DNHD1: variants seen among roughly 807,000 people sequenced by gnomAD.
DNHD1 encodes dynein heavy chain domain-containing protein 1.
A neutral mutation model predicts 458.1 loss-of-function variants in DNHD1; 383 were observed. That is an observed-to-expected ratio of 0.84 (90% CI 0.77 to 0.91). The LOEUF is 0.91. Among genes scored for constraint, DNHD1 ranks in the 40% least tolerant of loss-of-function variants. DNHD1 has a pLI of 0.00. For missense variants in DNHD1, 5,336 were observed against 5,866.1 expected (o/e 0.91, Z 2.95); for synonymous variants, 2,203 against 2,376.9 (o/e 0.93, Z 2.13).
chr11:6,568,647 A>G lies in DNHD1; in HGVS notation c.12662-18A>G, dbSNP rs1853764357. 6.2e-7 allele frequency: 1 copy of G among 1,612,762 alleles called. No individual in the cohort carries two copies. Among genetic ancestry groups the G allele is most frequent in the Non-Finnish European group, 8.5e-7 (1 of 1,179,634 alleles). On this transcript the variant is annotated intron_variant, in intron 38 of 42. Coordinates refer to ENST00000254579, the MANE Select transcript of DNHD1 (RefSeq NM_144666.3). Reference sequence around the variant, plus strand: ...GGCAACTGTGCTGTGCTGACTCAGCACTCTCCTTCCTCCCCAGCTGTGCTG... The same window carrying G: ...GGCAACTGTGCTGTGCTGACTCAGCGCTCTCCTTCCTCCCCAGCTGTGCTG...
Position 6,558,904 on chromosome 11 carries a change from T to C in DNHD1, c.9214T>C (p.Ser3072Pro). 6.4e-7 allele frequency: 1 copy of C among 1,551,606 alleles called. No individual in the cohort carries two copies. Among genetic ancestry groups the C allele is most frequent in the South Asian group, 1.2e-5 (1 of 84,054 alleles). ...GGCTAAAGCCATGCCCATTGCAGGC[T>C]CCTGGAAGTACCCAGACCTCCAGGC... ...GAQSVPLDDG[S>P]WKYPDLQASI... Residue 3072 changes from serine to proline, a missense_variant and splice_region_variant, in exon 27 of 43, where the codon TCC becomes CCC. Around this residue, in one of 4 missense-constraint regions of DNHD1, gnomAD observed 3,932 missense variants for 4,365.6 expected, o/e 0.90. Transcript: ENST00000254579.
At chr11:6,542,402 TG>T (rs1402972237) in intron 18 of DNHD1, among the ~76,000 whole-genome samples, 2 of 152,250 alleles carry the variant, frequency 1.3e-5, no homozygotes, top group African/African-American at 4.8e-5. Flanking sequence ...GGGATGCCTG[TG>T]GGCATAATTT....
Position 6,544,131 on chromosome 11 carries a change from C to T in DNHD1, c.3639C>T (p.Asn1213=), listed in dbSNP as rs1375810473. The T allele has an allele frequency of 6.4e-7, 1 of 1,551,634 alleles. No homozygotes were observed. Among genetic ancestry groups the T allele is most frequent in the South Asian group, 1.2e-5 (1 of 84,060 alleles). The change falls in exon 19 of 43, where the codon AAC becomes AAT. Residue 1213 remains asparagine, a synonymous_variant. Transcript: ENST00000254579. The part of the protein sequence containing the change: ...SGTFILSDYS[N]LQDSIQESLQ... ...CTTTTTCTGTCTTAGATTACAGCAACCTGCAGGATTCCATCCAGGAAAGTC... is the reference window on the plus strand; with the variant it reads ...CTTTTTCTGTCTTAGATTACAGCAATCTGCAGGATTCCATCCAGGAAAGTC...
intron 33 of DNHD1, 116 bp from the exon 34 acceptor site, chr11:6,566,125 G>A (rs1383419686): frequency 9.4e-6 from 14 of 1,489,432 alleles, no homozygotes; most frequent in Admixed American, 8.5e-5. Flanking sequence ...GAAGCGTCTT[G>A]TGGGAACCCT....
Position 6,545,307 on chromosome 11 carries a change from C to T in DNHD1, c.4368C>T (p.Arg1456=). ...KWLASLEKCL[R]LALVHMLQGC... ...TGGCCTCTCTGGAGAAGTGTCTGCG[C>T]TTGGCACTGGTGCACATGCTGCAGG... Residue 1456 remains arginine, a synonymous_variant, in exon 21 of 43, where the codon CGC becomes CGT. Coordinates refer to ENST00000254579, the MANE Select transcript of DNHD1 (RefSeq NM_144666.3). This position sits in a 1 kb window ranked among gnomAD's most constrained non-coding sequence, Gnocchi z 4.9. 1 of 1,551,740 alleles carries T rather than the reference C, an allele frequency of 6.4e-7. No homozygotes were observed. Among genetic ancestry groups the T allele is most frequent in the South Asian group, 1.2e-5 (1 of 84,068 alleles).
At position 6,570,600 on chromosome 11, in the gene DNHD1, CT is replaced by C; in HGVS notation, c.13106-17del. On this transcript the variant is annotated splice_polypyrimidine_tract_variant and intron_variant, in intron 41 of 42. Coordinates refer to ENST00000254579, the MANE Select transcript of DNHD1 (RefSeq NM_144666.3). ...GGAGAGTCCATCTTGTCCCTCACCC[CT>C]CACCTCTATCCCCAAGAGCTAAGGG... is the stretch of plus-strand genomic sequence containing the variant. 6.3e-7 allele frequency: 1 copy of C among 1,579,660 alleles called. No individual in the cohort carries two copies. The highest frequency in any genetic ancestry group is 8.6e-7 in the Non-Finnish European group (1 of 1,161,886).
chr11:6,517,568 T>C (rs1375268659), intron 7 of DNHD1, among the ~76,000 whole-genome samples: 1 of 149,890 alleles, frequency 6.7e-6, no homozygotes, highest in African/African-American at 2.5e-5. Context: ...ATGCCATTAG[T>C]GACAACACGT....
intron 7 of DNHD1, among the ~76,000 whole-genome samples, chr11:6,512,370 A>T (rs758260560): frequency 6.8e-6 from 1 of 147,338 alleles, no homozygotes; most frequent in Admixed American, 6.6e-5. Flanking sequence ...ACAGGCACCC[A>T]CCACCATGCC....
At chr11:6,544,009 C>A in intron 18 of DNHD1, 112 bp from the exon 19 acceptor site, 1 of 716,920 alleles carries the variant, frequency 1.4e-6, no homozygotes, top group Non-Finnish European at 2.2e-6. Flanking sequence ...ACAGAAAGGG[C>A]ATCAGGGTCT....
chr11:6,520,153 C>CTT (rs1491471700), intron 9 of DNHD1, 51 bp downstream of exon 9: 9 of 1,613,294 alleles, frequency 5.6e-6, no homozygotes, highest in African/African-American at 1.3e-5. Context: ...AGTTCCTATC[C>CTT]TCTGAGTAAT....
intron 18 of DNHD1, among the ~76,000 whole-genome samples, chr11:6,542,893 C>T (rs1213688580): frequency 2.6e-5 from 4 of 152,186 alleles, no homozygotes; most frequent in Non-Finnish European, 5.9e-5. Context: ...GGATCTAGGT[C>T]AAGTGAGACT....
In DNHD1 at chr11:6,559,239, A is replaced by G; in HGVS notation, c.9475A>G (p.Asn3159Asp). 6.4e-7 allele frequency: 1 copy of G among 1,551,726 alleles called. No individual in the cohort carries two copies. The highest frequency in any genetic ancestry group is 8.7e-7 in the Non-Finnish European group (1 of 1,146,994). Residue 3159 changes from asparagine to aspartate, a missense_variant, in exon 28 of 43, where the codon AAT (asparagine) becomes GAT (aspartate). This residue lies in a region of DNHD1 where 3,932 missense variants were observed against 4,365.6 expected (regional missense o/e 0.90). Coordinates refer to ENST00000254579, the MANE Select transcript of DNHD1 (RefSeq NM_144666.3). ...MLIKEHGTHA[N>D]LIFDLEQQLK... ...GATTAAGGAGCACGGTACCCATGCC[A>G]ATCTGATCTTTGACTTGGAACAGCA...
chr11:6,571,648 C>T lies in DNHD1; in HGVS notation c.13924C>T (p.Pro4642Ser). The part of the protein sequence containing the change: ...NPLHFRVENG[P>S]NPTVPERGLL... ...CTGACGCCCCCAGGTGGAGAATGGT[C>T]CAAATCCCACGGTTCCAGAGAGAGG... The change falls in exon 43 of 43, where the codon CCA becomes TCA. Residue 4642 changes from proline to serine, a missense_variant. Coordinates refer to ENST00000254579, the MANE Select transcript of DNHD1 (RefSeq NM_144666.3). The surrounding 1 kb of genome is among the most constrained non-coding windows in gnomAD (Gnocchi z 5.0). 4 of 1,589,374 alleles carry T rather than the reference C, an allele frequency of 2.5e-6. No homozygotes were observed. Among genetic ancestry groups the T allele is most frequent in the Non-Finnish European group, 3.4e-6 (4 of 1,166,482 alleles).
intron 4 of DNHD1, 34 bp downstream of exon 4, chr11:6,502,960 C>A (rs377705893): frequency 3.7e-6 from 6 of 1,604,438 alleles, no homozygotes; most frequent in Non-Finnish European, 4.2e-6. Flanking sequence ...TTCTCCTCCC[C>A]CTGCCTGGTT....
chr11:6,542,836 C>T (rs905285713), intron 18 of DNHD1, among the ~76,000 whole-genome samples: 2 of 152,190 alleles, frequency 1.3e-5, no homozygotes, highest in Admixed American at 1.3e-4. Flanking sequence ...ACCATCACCC[C>T]CAAGGAAGTT....
chr11:6,526,432 T>G (rs778582460), intron 10 of DNHD1, among the ~76,000 whole-genome samples: 1 of 152,198 alleles, frequency 6.6e-6, no homozygotes, highest in African/African-American at 2.4e-5. Context: ...TGGGGATTTA[T>G]TCTATGCCTC....
intron 3 of DNHD1, among the ~76,000 whole-genome samples, chr11:6,500,636 T>C (rs374629498): frequency 1.3e-5 from 2 of 152,348 alleles, no homozygotes; most frequent in East Asian, 1.9e-4. Flanking sequence ...AGGGATCAAG[T>C]TCTTTGCCCT....
Position 6,521,369 on chromosome 11 carries a change from GT to G in DNHD1, c.1837+1082del, listed in dbSNP as rs1462214814. Reference sequence around the variant, plus strand: ...AATATGCTGTAGTATTTTTTGAATGGTTAAAAGGAGCAAAAAACAACCTCTT... The same window carrying G: ...AATATGCTGTAGTATTTTTTGAATGGTAAAAGGAGCAAAAAACAACCTCTT... On this transcript the variant is annotated intron_variant, in intron 10 of 42. Coordinates refer to ENST00000254579, the MANE Select transcript of DNHD1 (RefSeq NM_144666.3). Among the ~76,000 whole-genome samples the G allele has an allele frequency of 3.3e-5, 5 of 151,948 alleles. No homozygotes were observed. In the East Asian group the frequency reaches 9.6e-4, roughly 29 times the overall value.
chr11:6,548,818 C>T lies in DNHD1; in HGVS notation c.7272C>T (p.Leu2424=). The change falls in exon 24 of 43, where the codon CTC becomes CTT. Residue 2424 remains leucine (L), a synonymous_variant. Coordinates refer to ENST00000254579, the MANE Select transcript of DNHD1 (RefSeq NM_144666.3). The surrounding 1 kb of genome is among the most constrained non-coding windows in gnomAD (Gnocchi z 4.4). ...HPAFSSSHLR[L]LLSRGIQGQT... ...CCTTCAGTTCCTCCCACCTCCGTCT[C>T]CTGCTGAGCAGAGGAATCCAGGGCC... 6.4e-7 allele frequency: 1 copy of T among 1,551,728 alleles called. No individual in the cohort carries two copies. Among genetic ancestry groups the T allele is most frequent in the African/African-American group, 1.4e-5 (1 of 73,160 alleles).
Sources: gnomAD v4.1 joint callset for allele counts (sites outside exome capture counted in the v4.1 genomes callset) on GRCh38, gnomAD v4.1.1 for gene constraint, gnomAD v4.1.1 regional missense constraint, Gnocchi (gnomAD v3.1) non-coding constraint, MANE v1.5 for transcripts, NCBI Gene and HGNC (gene_info 2026-07-23, HGNC 2026-07-21) for gene names.